Variants in CERT1 observed in about 807,000 individuals in gnomAD.
CERT1 encodes ceramide transfer protein.
A neutral mutation model predicts 87.9 loss-of-function variants in CERT1; 31 were observed. That is an observed-to-expected ratio of 0.35 (90% CI 0.27 to 0.48). The LOEUF is 0.48. Ranked by LOEUF, CERT1 falls within the 20% of genes least tolerant of loss-of-function variation. The probability of loss-of-function intolerance (pLI) is 0.99; values close to 1 mark genes in which losing one functional copy is unlikely to be tolerated. For missense variants in CERT1, 487 were observed against 758.0 expected (o/e 0.64, Z 4.20); for synonymous variants, 289 against 250.9 (o/e 1.15, Z -1.44).
At chr5:75,424,370 A>G (rs1763511990) in intron 5 of CERT1, among the ~76,000 whole-genome samples, 2 of 152,080 alleles carry the variant, frequency 1.3e-5, no homozygotes, top group South Asian at 4.1e-4. Context: ...TCATGAGGTC[A>G]GGAGATTAAG....
At chr5:75,505,230 T>C (rs1767596560) in intron 2 of CERT1, 1 of 152,296 alleles carries the variant, frequency 6.6e-6, no homozygotes, top group Non-Finnish European at 1.5e-5. Context: ...GAGGTTGCAG[T>C]GAGCTGAGAC....
chr5:75,413,220 A>T (rs1172777898), intron 7 of CERT1, among the ~76,000 whole-genome samples: 6 of 152,200 alleles, frequency 3.9e-5, no homozygotes, highest in African/African-American at 1.4e-4. Context: ...TTATCATGTT[A>T]TGGGACCACA....
At chr5:75,472,174 G>A (rs567748960) in intron 2 of CERT1, among the ~76,000 whole-genome samples, 24 of 152,306 alleles carry the variant, frequency 1.6e-4, no homozygotes, top group African/African-American at 5.1e-4. Context: ...ACACAATGGG[G>A]AAAGGACAGT....
intron 2 of CERT1, among the ~76,000 whole-genome samples, chr5:75,465,854 G>A (rs959084714): frequency 6.6e-6 from 1 of 152,184 alleles, no homozygotes. Context: ...AAGGAAAAGG[G>A]GGGGTAGAGA....
intron 3 of CERT1, among the ~76,000 whole-genome samples, chr5:75,441,437 T>A (rs933073995): frequency 6.6e-6 from 1 of 152,228 alleles, no homozygotes; most frequent in African/African-American, 2.4e-5. Context: ...ACTACATGTT[T>A]TGAAACAGTG....
chr5:75,501,069 C>T (rs185712132), intron 2 of CERT1, among the ~76,000 whole-genome samples: 6 of 151,688 alleles, frequency 4.0e-5, no homozygotes, highest in African/African-American at 7.3e-5. Flanking sequence ...GCTCCACCTG[C>T]GAGGCTGAAG....
At chr5:75,511,783 G>A (rs747548630), upstream of CERT1, 9 of 1,551,412 alleles carry the variant, frequency 5.8e-6, no homozygotes, top group African/African-American at 9.6e-5. Flanking sequence ...GGTGACGACG[G>A]GTAGAAAAGC....
intron 11 of CERT1, among the ~76,000 whole-genome samples, chr5:75,398,023 A>C (rs1762326629): frequency 6.6e-6 from 1 of 152,054 alleles, no homozygotes; most frequent in Non-Finnish European, 1.5e-5. Flanking sequence ...TGTCTCGAAA[A>C]TAAATAAGTA....
intron 8 of CERT1, among the ~76,000 whole-genome samples, chr5:75,406,356 G>T (rs1217368957): frequency 1.3e-5 from 2 of 152,128 alleles, no homozygotes; most frequent in Non-Finnish European, 2.9e-5. Context: ...CTTTCCCTCC[G>T]GGAAGACATC....
At chr5:75,379,510 C>T (rs1468370807) in intron 16 of CERT1, 37 bp from the exon 17 acceptor site, 3 of 1,583,170 alleles carry the variant, frequency 1.9e-6, no homozygotes, top group East Asian at 4.5e-5. Flanking sequence ...TATTAAGATA[C>T]AATTCTCCAA....
intron 15 of CERT1, among the ~76,000 whole-genome samples, chr5:75,381,597 T>C (rs955162146): frequency 2.0e-5 from 3 of 151,912 alleles, no homozygotes; most frequent in Non-Finnish European, 4.4e-5. Flanking sequence ...TCCTCTTAAG[T>C]AGTAAATGGA....
intron 2 of CERT1, among the ~76,000 whole-genome samples, chr5:75,490,353 CT>C (rs768512869): frequency 6.6e-6 from 1 of 151,978 alleles, no homozygotes; most frequent in Non-Finnish European, 1.5e-5. Flanking sequence ...AATAAAAAAC[CT>C]TTTTTTCTTC....
chr5:75,398,911 A>T (rs1762361784), intron 11 of CERT1, among the ~76,000 whole-genome samples: 1 of 152,346 alleles, frequency 6.6e-6, no homozygotes, highest in South Asian at 2.1e-4. Flanking sequence ...TATAATTTGG[A>T]GATACTTTAG....
intron 2 of CERT1, among the ~76,000 whole-genome samples, chr5:75,473,753 C>G (rs942804188): frequency 6.6e-6 from 1 of 152,120 alleles, no homozygotes; most frequent in Non-Finnish European, 1.5e-5. Flanking sequence ...AAAATGATAA[C>G]TATGTGAGGT....
chr5:75,506,120 G>A lies in CERT1; in HGVS notation c.97-4C>T, dbSNP rs1231328251. ...ACCCATGAATGTAGTTTGTCCACTG[G>A]GAGTGGGAAGGGGAAGGGAAGAGAG... On this transcript the variant is annotated splice_polypyrimidine_tract_variant and splice_region_variant and intron_variant, in intron 1 of 16. Coordinates refer to ENST00000643780, the MANE Select transcript of CERT1 (RefSeq NM_001379029.1). The A allele has an allele frequency of 6.2e-7, 1 of 1,611,988 alleles. No individual in the cohort carries two copies. Among genetic ancestry groups the A allele is most frequent in the South Asian group, 1.1e-5 (1 of 90,812 alleles).
At chr5:75,507,341 G>A (rs1198700219) in intron 1 of CERT1, among the ~76,000 whole-genome samples, 1 of 152,072 alleles carries the variant, frequency 6.6e-6, no homozygotes, top group Non-Finnish European at 1.5e-5. Flanking sequence ...AAACTCCTGG[G>A]CTCAAGCGAT....
At chr5:75,399,233 G>T in intron 11 of CERT1, 77 bp downstream of exon 11, 1 of 1,129,532 alleles carries the variant, frequency 8.9e-7, no homozygotes, top group Non-Finnish European at 1.3e-6. Flanking sequence ...CTAACCAAAA[G>T]ATTTCTAGGA....
Position 75,459,041 on chromosome 5 carries a change from ACAGGTAAACATTAGGGAT to A in CERT1, c.348+6_348+23del, listed in dbSNP as rs758560504. 1.5e-6 allele frequency: 2 copies of A among 1,332,712 alleles called. No homozygotes were observed. The highest frequency in any genetic ancestry group is 4.6e-5 in the East Asian group (2 of 43,546). 82.6% of individuals were successfully genotyped at this position (1,332,712 alleles called of 1,614,324 possible). On this transcript the variant is annotated splice_donor_region_variant and intron_variant, in intron 3 of 16. Transcript: ENST00000643780. The stretch of plus-strand genomic sequence containing the variant: ...CAATCTCTTACCTAGTCCTCCATGG[ACAGGTAAACATTAGGGAT>A]CTTACCTTGTGCTGTTCAATGGCAT...
At chr5:75,499,168 T>C (rs980698720) in intron 2 of CERT1, among the ~76,000 whole-genome samples, 1 of 152,176 alleles carries the variant, frequency 6.6e-6, no homozygotes, top group African/African-American at 2.4e-5. Flanking sequence ...GGTTCACAGG[T>C]GGAGGGGACT....
Sources: gnomAD v4.1 joint callset for allele counts (sites outside exome capture counted in the v4.1 genomes callset) on GRCh38, gnomAD v4.1.1 for gene constraint, MANE v1.5 for transcripts, NCBI Gene and HGNC (gene_info 2026-07-23, HGNC 2026-07-21) for gene names.